The following FREM1 variants were observed in gnomAD, a reference collection of about 807,000 sequenced individuals.
FREM1 encodes the protein FRAS1-related extracellular matrix protein 1.
In FREM1, 220 loss-of-function variants were observed where a neutral mutation model predicts 210.1. That is an observed-to-expected ratio of 1.05 (90% CI 0.94 to 1.17). The LOEUF (loss-of-function observed/expected upper bound fraction) is 1.17, where lower values mean the gene tolerates loss of function less well. FREM1 is among the 50% of genes most tolerant of loss of function. The probability of loss-of-function intolerance (pLI) is 0.00; values close to 1 mark genes in which losing one functional copy is unlikely to be tolerated. For missense variants in FREM1, 3,454 were observed against 2,675.5 expected (o/e 1.29, Z -6.42); for synonymous variants, 1,189 against 980.2 (o/e 1.21, Z -3.98).
intron 1 of FREM1, among the ~76,000 whole-genome samples, chr9:14,871,284 T>A (rs576526151): frequency 5.3e-5 from 8 of 152,148 alleles, no homozygotes; most frequent in Non-Finnish European, 8.8e-5. Flanking sequence ...GTGTAAAAGT[T>A]TTCCTATTTC....
chr9:14,901,928 T>C (rs1189666294), intron 1 of FREM1, among the ~76,000 whole-genome samples: 1 of 152,058 alleles, frequency 6.6e-6, no homozygotes, highest in African/African-American at 2.4e-5. Flanking sequence ...CACGGATCAC[T>C]GCAGCCTTGA....
At chr9:14,786,328 A>G (rs1273420802) in intron 23 of FREM1, among the ~76,000 whole-genome samples, 2 of 152,352 alleles carry the variant, frequency 1.3e-5, no homozygotes, top group East Asian at 1.9e-4. Flanking sequence ...GCTCTTGTGA[A>G]CTAATACTGA....
chr9:14,866,798 C>A (rs994532153), intron 2 of FREM1, among the ~76,000 whole-genome samples: 1 of 152,112 alleles, frequency 6.6e-6, no homozygotes, highest in Admixed American at 6.5e-5. Context: ...TTATCAAACA[C>A]CCCAGTCCTC....
At chr9:14,871,151 G>C (rs954593875) in intron 1 of FREM1, among the ~76,000 whole-genome samples, 1 of 152,056 alleles carries the variant, frequency 6.6e-6, no homozygotes, top group African/African-American at 2.4e-5. Context: ...ATGATTTATA[G>C]TTCTTTGGGT....
At chr9:14,762,202 A>T (rs189572501) in intron 27 of FREM1, among the ~76,000 whole-genome samples, 1 of 152,232 alleles carries the variant, frequency 6.6e-6, no homozygotes, top group African/African-American at 2.4e-5. Flanking sequence ...AGAAAAAAAA[A>T]GTCAGCAAGA....
In FREM1 at chr9:14,772,231, T is replaced by C. The variant is rs537499619; in HGVS notation, c.4858-1425A>G. Among the ~76,000 whole-genome samples, 165 of 152,224 alleles carry C rather than the reference T, an allele frequency of 1.1e-3. 1 individual carries two copies. The highest frequency in any genetic ancestry group is 2.0e-3 in the Non-Finnish European group (135 of 68,018). On this transcript the variant is annotated intron_variant, in intron 25 of 36. Coordinates refer to ENST00000380880, the MANE Select transcript of FREM1 (RefSeq NM_001379081.2). Reference sequence around the variant, plus strand: ...TCTGTATCTTGCAGAAACAGATATGTATGCAAAAATGATTAGATATATATT... The same window carrying C: ...TCTGTATCTTGCAGAAACAGATATGCATGCAAAAATGATTAGATATATATT...
At chr9:14,876,524 C>T (rs1373438199) in intron 1 of FREM1, among the ~76,000 whole-genome samples, 2 of 152,170 alleles carry the variant, frequency 1.3e-5, no homozygotes, top group African/African-American at 4.8e-5. Flanking sequence ...GTTTTAAGCC[C>T]GTCGGAAAAG....
At chr9:14,811,822 A>G (rs1021446054) in intron 16 of FREM1, among the ~76,000 whole-genome samples, 2 of 152,094 alleles carry the variant, frequency 1.3e-5, no homozygotes, top group Admixed American at 1.3e-4. Context: ...TAAGAAAATG[A>G]TTTGAATTCT....
At chr9:14,767,819 A>T (rs748359994) in intron 27 of FREM1, among the ~76,000 whole-genome samples, 17 of 152,146 alleles carry the variant, frequency 1.1e-4, no homozygotes, top group African/African-American at 1.7e-4. Flanking sequence ...TATATGTCAG[A>T]ACCAAATAAA....
intron 29 of FREM1, among the ~76,000 whole-genome samples, chr9:14,750,828 T>C (rs1843228457): frequency 6.6e-6 from 1 of 152,218 alleles, no homozygotes; most frequent in South Asian, 2.1e-4. Flanking sequence ...AGTAGTTTGA[T>C]ATCCTCCTAG....
At chr9:14,739,955 T>A (rs966446423) in intron 36 of FREM1, among the ~76,000 whole-genome samples, 194 bp downstream of exon 36, 1 of 152,134 alleles carries the variant, frequency 6.6e-6, no homozygotes. Context: ...GGGATAGATG[T>A]CTAAAAATGA....
intron 10 of FREM1, among the ~76,000 whole-genome samples, chr9:14,828,307 T>A (rs1038571192): frequency 9.9e-5 from 15 of 152,212 alleles, no homozygotes; most frequent in African/African-American, 3.1e-4. Flanking sequence ...GCCTCAAGAC[T>A]TAATATTGTT....
chr9:14,794,468 G>A (rs550100339), intron 21 of FREM1, among the ~76,000 whole-genome samples: 2 of 152,314 alleles, frequency 1.3e-5, no homozygotes, highest in Admixed American at 6.5e-5. Flanking sequence ...AAAGTGGAGT[G>A]AGGCACTGCG....
chr9:14,751,015 T>C (rs1843272585), intron 29 of FREM1, among the ~76,000 whole-genome samples: 1 of 152,162 alleles, frequency 6.6e-6, no homozygotes, highest in Non-Finnish European at 1.5e-5. Context: ...ACACCAAGAC[T>C]GGAAACAAAG....
chr9:14,784,309 A>G, intron 24 of FREM1, 61 bp downstream of exon 24: 1 of 1,502,830 alleles, frequency 6.7e-7, no homozygotes, highest in African/African-American at 1.4e-5. Context: ...ACATTAACAG[A>G]TCTCCTTTTC....
At chr9:14,878,064 T>A (rs1834102946) in intron 1 of FREM1, among the ~76,000 whole-genome samples, 1 of 152,218 alleles carries the variant, frequency 6.6e-6, no homozygotes, top group Non-Finnish European at 1.5e-5. Flanking sequence ...TACTCCTGCC[T>A]TTCCTCTAGG....
chr9:14,794,406 G>C (rs942730566), intron 21 of FREM1, among the ~76,000 whole-genome samples: 1 of 152,202 alleles, frequency 6.6e-6, no homozygotes, highest in Non-Finnish European at 1.5e-5. Context: ...GCTGTCCCCA[G>C]AGTGCTCTCT....
At chr9:14,841,625 A>C (rs773389522) in intron 9 of FREM1, 36 bp from the exon 10 acceptor site, 1 of 1,481,946 alleles carries the variant, frequency 6.7e-7, no homozygotes, top group Non-Finnish European at 9.1e-7. Context: ...ACTTTTGTAC[A>C]AGCCTATCAA....
chr9:14,789,452 A>C (rs1452271088), intron 22 of FREM1, among the ~76,000 whole-genome samples: 1 of 152,190 alleles, frequency 6.6e-6, no homozygotes, highest in Admixed American at 6.5e-5. Context: ...GAGCTCTTGG[A>C]AGGGATTCTT....
Sources: allele counts gnomAD v4.1 joint callset (sites outside exome capture counted in the v4.1 genomes callset), GRCh38; gene constraint gnomAD v4.1.1; transcripts MANE v1.5; gene names NCBI Gene and HGNC (gene_info 2026-07-23, HGNC 2026-07-21).